The following CABCOCO1 variants were observed in gnomAD, a reference collection of about 807,000 sequenced individuals.
CABCOCO1 encodes the protein ciliary-associated calcium-binding coiled-coil protein 1.
In CABCOCO1, 28 loss-of-function variants were observed where a neutral mutation model predicts 35.7. The observed-to-expected ratio is 0.78, with a 90% CI of 0.58 to 1.07. The LOEUF is 1.07. Ranked by LOEUF, CABCOCO1 falls within the 50% of genes least tolerant of loss-of-function variation. The pLI is 0.00. For synonymous variants in CABCOCO1, 95 were observed against 100.1 expected (o/e 0.95, Z 0.30); for missense variants, 326 against 309.2 (o/e 1.05, Z -0.41).
At chr10:61,732,095 A>G (rs1841317103) in intron 5 of CABCOCO1, among the ~76,000 whole-genome samples, 1 of 152,132 alleles carries the variant, frequency 6.6e-6, no homozygotes, top group Admixed American at 6.6e-5. Flanking sequence ...ACAATATTTA[A>G]AAGTAATTTT....
In CABCOCO1 at chr10:61,704,226, A is replaced by AAT. The variant is rs1033832706; in HGVS notation, c.552+13618_552+13619dup. On this transcript the variant is annotated intron_variant, in intron 5 of 7. Coordinates refer to ENST00000648843, the MANE Select transcript of CABCOCO1 (RefSeq NM_001366906.2). ...GTGACAGAGTGAAACCCTGTCTAAAAATATATATATATATGCCCAAATTCT... is the reference window on the plus strand; with the variant it reads ...GTGACAGAGTGAAACCCTGTCTAAAAATATATATATATATATGCCCAAATTCT... Among the ~76,000 whole-genome samples the AAT allele has an allele frequency of 1.0e-3, 153 of 151,444 alleles. 1 individual carries two copies. Among genetic ancestry groups the AAT allele is most frequent in the East Asian group, 8.3e-3 (43 of 5,162 alleles).
At chr10:61,696,739 C>T (rs1296418763) in intron 5 of CABCOCO1, among the ~76,000 whole-genome samples, 7 of 151,990 alleles carry the variant, frequency 4.6e-5, no homozygotes, top group Non-Finnish European at 8.8e-5. Flanking sequence ...GTCCTGGCCT[C>T]AAGTGATCCT....
At chr10:61,741,411 T>G (rs1308825246) in intron 5 of CABCOCO1, among the ~76,000 whole-genome samples, 1 of 152,188 alleles carries the variant, frequency 6.6e-6, no homozygotes, top group Admixed American at 6.5e-5. Context: ...CAACACAACT[T>G]GGTGAATGAG....
Position 61,760,921 on chromosome 10 carries a change from T to C in CABCOCO1, c.734T>C (p.Met245Thr). Residue 245 changes from methionine to threonine, a missense_variant, in exon 7 of 8, where the codon ATG (methionine) becomes ACG (threonine). Physicochemically the swap from Met to Thr is moderately conservative, Grantham distance 81. Coordinates refer to ENST00000648843, the MANE Select transcript of CABCOCO1 (RefSeq NM_001366906.2). ...ESQPETDTSD[M>T]DPLVGFTIED... is the part of the protein sequence containing the mutation. ...CAGCCAGAAACTGACACCTCAGACATGGATCCTTTAGTTGGTTTTACCATT... is the reference window on the plus strand; with the variant it reads ...CAGCCAGAAACTGACACCTCAGACACGGATCCTTTAGTTGGTTTTACCATT... 1 of 1,612,742 alleles carries C rather than the reference T, an allele frequency of 6.2e-7. No individual in the cohort carries two copies. Among genetic ancestry groups the C allele is most frequent in the Non-Finnish European group, 8.5e-7 (1 of 1,179,080 alleles).
intron 5 of CABCOCO1, among the ~76,000 whole-genome samples, chr10:61,708,463 C>T (rs1840647036): frequency 6.6e-6 from 1 of 152,002 alleles, no homozygotes; most frequent in South Asian, 2.1e-4. Flanking sequence ...GGCTCATAAG[C>T]AACAAGAATT....
At chr10:61,700,936 CATATACATACAT>C (rs1387862179) in intron 5 of CABCOCO1, among the ~76,000 whole-genome samples, 1 of 63,386 alleles carries the variant, frequency 1.6e-5, no homozygotes, top group East Asian at 6.0e-3. Flanking sequence ...TATATGTATA[CATATACATACAT>C]GTATACATAT....
At chr10:61,691,961 C>T (rs1435907263) in intron 5 of CABCOCO1, among the ~76,000 whole-genome samples, 1 of 152,076 alleles carries the variant, frequency 6.6e-6, no homozygotes, top group African/African-American at 2.4e-5. Flanking sequence ...CATATGTGTA[C>T]ATGTATCTTT....
intron 5 of CABCOCO1, among the ~76,000 whole-genome samples, chr10:61,708,237 T>C (rs1840641187): frequency 6.6e-6 from 1 of 151,056 alleles, no homozygotes; most frequent in Non-Finnish European, 1.5e-5. Context: ...ATGAATGTGT[T>C]GTTGTGAGGA....
At position 61,662,953 on chromosome 10, in the gene CABCOCO1, T is replaced by C; in HGVS notation, c.-20T>C. ...TGCCTAGGTGACGAGGGGCCGCTTC[T>C]CTCGGCCGAGATTGCGGCGATGTCG... is the stretch of plus-strand genomic sequence containing the variant. On this transcript the variant is annotated 5_prime_UTR_variant, in exon 1 of 8. Transcript: ENST00000648843. The C allele has an allele frequency of 2.5e-6, 1 of 393,356 alleles. No homozygotes were observed. Among genetic ancestry groups the C allele is most frequent in the Non-Finnish European group, 5.3e-6 (1 of 187,984 alleles). The allele number at this position is 393,356 out of a possible 1,614,324, so 24.4% of individuals were successfully genotyped here.
intron 2 of CABCOCO1, among the ~76,000 whole-genome samples, chr10:61,678,739 G>A (rs896342694): frequency 6.6e-6 from 1 of 152,042 alleles, no homozygotes; most frequent in African/African-American, 2.4e-5. Flanking sequence ...CAGAAAAAAA[G>A]AAACTGCATC....
chr10:61,701,650 C>T lies in CABCOCO1; in HGVS notation c.552+11029C>T, dbSNP rs1840462590. 3 of 984,908 alleles carry T rather than the reference C, an allele frequency of 3.0e-6. No homozygotes were observed. The African/African-American group carries it at 5.2e-5, about 17-fold the overall frequency. 61.0% of individuals were successfully genotyped at this position (984,908 alleles called of 1,614,324 possible). On this transcript the variant is annotated intron_variant, in intron 5 of 7. Transcript: ENST00000648843. Reference sequence around the variant, plus strand: ...AAACCCGCAGAATCCATTAATAATCCACACTTCTGGCTTAAAGTGTTCTTT... The same window carrying T: ...AAACCCGCAGAATCCATTAATAATCTACACTTCTGGCTTAAAGTGTTCTTT...
rs115724941 is a variant in CABCOCO1 at position 61,759,870 on chromosome 10, T to A, written c.553-189T>A. On this transcript the variant is annotated intron_variant, in intron 5 of 7. Coordinates refer to ENST00000648843, the MANE Select transcript of CABCOCO1 (RefSeq NM_001366906.2). The stretch of plus-strand genomic sequence containing the variant: ...GAAATGAGACAGTGGGAAAACAAAG[T>A]GTTAATTTTGAGAAATGGAGCTCAA... 1.3e-3 allele frequency among the ~76,000 whole-genome samples: 198 copies of A among 152,108 alleles called. 2 individuals carry two copies. Among genetic ancestry groups the A allele is most frequent in the African/African-American group, 4.5e-3 (188 of 41,522 alleles).
At chr10:61,680,695 T>TATATATTATACATGTATAAC (rs1564532833) in intron 2 of CABCOCO1, among the ~76,000 whole-genome samples, 3 of 49,334 alleles carry the variant, frequency 6.1e-5, no homozygotes, top group African/African-American at 2.6e-4. Flanking sequence ...ATGTATAACA[T>TATATATTATACATGTATAAC]ATATATGTTA....
intron 1 of CABCOCO1, among the ~76,000 whole-genome samples, chr10:61,666,828 T>C (rs1839188249): frequency 6.7e-6 from 1 of 149,682 alleles, no homozygotes; most frequent in African/African-American, 2.4e-5. Context: ...TGCTATCCCA[T>C]TATATGTATA....
chr10:61,732,941 A>G (rs1225559110), intron 5 of CABCOCO1, among the ~76,000 whole-genome samples: 1 of 152,072 alleles, frequency 6.6e-6, no homozygotes. Flanking sequence ...TTATCATTAC[A>G]GTGAATGTTT....
chr10:61,702,424 A>G (rs1840482060), intron 5 of CABCOCO1, among the ~76,000 whole-genome samples: 1 of 152,154 alleles, frequency 6.6e-6, no homozygotes, highest in African/African-American at 2.4e-5. Context: ...ATTCCTTTCT[A>G]TGGGCTGGAA....
chr10:61,680,968 G>C (rs779731267), intron 2 of CABCOCO1, among the ~76,000 whole-genome samples, 175 bp from the exon 3 acceptor site: 1 of 151,040 alleles, frequency 6.6e-6, no homozygotes, highest in African/African-American at 2.4e-5. Flanking sequence ...CCCCATCCTC[G>C]TTCTCTCTCT....
chr10:61,721,298 T>C (rs1452648816), intron 5 of CABCOCO1, among the ~76,000 whole-genome samples: 2 of 152,058 alleles, frequency 1.3e-5, no homozygotes, highest in African/African-American at 4.8e-5. Context: ...TTTACCTGAA[T>C]AAAATGTGAG....
intron 5 of CABCOCO1, among the ~76,000 whole-genome samples, chr10:61,733,517 C>A (rs1485726128): frequency 6.6e-6 from 1 of 151,982 alleles, no homozygotes; most frequent in East Asian, 1.9e-4. Flanking sequence ...CAACTTACAC[C>A]AGAGTCACAC....
Sources: gnomAD v4.1 joint callset for allele counts (sites outside exome capture counted in the v4.1 genomes callset) on GRCh38, gnomAD v4.1.1 for gene constraint, MANE v1.5 for transcripts, NCBI Gene and HGNC (gene_info 2026-07-23, HGNC 2026-07-21) for gene names.